Variants in ARID1B observed in about 807,000 individuals in gnomAD.
ARID1B encodes AT-rich interaction domain 1B, also known as AT-rich interactive domain-containing protein 1B.
In ARID1B, 30 loss-of-function variants were observed where a neutral mutation model predicts 212.3. The ratio of observed to expected loss-of-function variants is 0.14; its 90% CI spans 0.11 to 0.19. The LOEUF is 0.19. Ranked by LOEUF, ARID1B falls within the 10% of genes least tolerant of loss-of-function variation. The pLI is 1.00. For synonymous variants in ARID1B, 1,402 were observed against 1,301.7 expected, an observed-to-expected ratio of 1.08 and a Z score of -1.66; for missense variants, 2,891 against 3,204.0, an observed-to-expected ratio of 0.90 and a Z score of 2.36.
At chr6:156,954,657 G>T (rs1226996368) in intron 4 of ARID1B, among the ~76,000 whole-genome samples, 1 of 151,622 alleles carries the variant, frequency 6.6e-6, no homozygotes, top group East Asian at 1.9e-4. Flanking sequence ...AGCTCGAACT[G>T]TTTTTTTTGT....
intron 6 of ARID1B, among the ~76,000 whole-genome samples, chr6:157,116,856 C>T (rs147741257): frequency 4.3e-4 from 65 of 152,266 alleles, no homozygotes; most frequent in East Asian, 4.3e-3. Flanking sequence ...AGTCAAAGCA[C>T]GCTGTACCTG....
intron 8 of ARID1B, among the ~76,000 whole-genome samples, chr6:157,164,296 G>A (rs1036982045): frequency 1.6e-4 from 25 of 152,328 alleles, no homozygotes; most frequent in African/African-American, 6.0e-4. Flanking sequence ...TTAGTTTAAA[G>A]GTATTTCTTA....
intron 15 of ARID1B, chr6:157,193,753 C>CTT (rs1176450987): frequency 6.6e-6 from 1 of 152,196 alleles, no homozygotes; most frequent in African/African-American, 2.4e-5. Context: ...CAGTTAAAAA[C>CTT]TTTTGCTTGC....
rs73584019 is a variant in ARID1B at position 157,083,293 on chromosome 6, A to C, written c.2248-1369A>C. Among the ~76,000 whole-genome samples, 755 of 152,338 alleles carry C rather than the reference A, an allele frequency of 5.0e-3. 7 individuals carry two copies. The highest frequency in any genetic ancestry group is 0.02 in the Middle Eastern group (6 of 294). On this transcript the variant is annotated intron_variant, in intron 4 of 19. Transcript: ENST00000636930. ...CCAGATATTTCTGACTCCATTCTAT[A>C]GTATGTAGTCTTCAGTTATCAGGAC...
intron 3 of ARID1B, among the ~76,000 whole-genome samples, chr6:156,930,984 A>T (rs1189909248): frequency 6.6e-6 from 1 of 152,258 alleles, no homozygotes; most frequent in African/African-American, 2.4e-5. Flanking sequence ...AGGTCAGGAG[A>T]TAGAGACCAT....
intron 4 of ARID1B, among the ~76,000 whole-genome samples, chr6:156,975,882 C>G (rs1011331328): frequency 1.3e-5 from 2 of 151,892 alleles, no homozygotes; most frequent in African/African-American, 4.8e-5. Context: ...GGGCTGAGTC[C>G]GAAGAGTCAG....
chr6:157,128,133 G>C (rs1788269101), intron 6 of ARID1B, among the ~76,000 whole-genome samples: 1 of 152,096 alleles, frequency 6.6e-6, no homozygotes, highest in African/African-American at 2.4e-5. Flanking sequence ...TATTTAGGAT[G>C]AATAGAAATA....
rs552523887 is a variant in ARID1B at position 156,914,567 on chromosome 6, T to TGG, written c.2136+13043_2136+13044dup. On this transcript the variant is annotated intron_variant, in intron 3 of 19. Coordinates refer to ENST00000636930, the MANE Select transcript of ARID1B (RefSeq NM_001374828.1). ...CTCAGTGTTGGCCCCTCTTTTTTTG[T>TGG]GGCTCTACCCACCTTACCTGTATGA... Among the ~76,000 whole-genome samples the TGG allele has an allele frequency of 2.6e-4, 40 of 152,342 alleles. No homozygotes were observed. In the East Asian group the frequency reaches 7.5e-3, roughly 29 times the overall value.
In ARID1B at chr6:157,200,580, T is replaced by A; in HGVS notation, c.4480-125T>A. ...ATAAATTGTTAGTTCTCTGTTGTTA[T>A]AGGAGCTTCCCATATTCATTTTGAA... On this transcript the variant is annotated intron_variant, in intron 17 of 19. Transcript: ENST00000636930. The surrounding 1 kb of genome is among the most constrained non-coding windows in gnomAD (Gnocchi z 4.3). 1.8e-6 allele frequency: 2 copies of A among 1,088,336 alleles called. No individual in the cohort carries two copies. Among genetic ancestry groups the A allele is most frequent in the Non-Finnish European group, 2.6e-6 (2 of 773,132 alleles). 67.4% of individuals were successfully genotyped at this position (1,088,336 alleles called of 1,614,324 possible). A position where few individuals can be genotyped will look rare whatever the true frequency, so the allele number is the denominator to read the frequency against.
chr6:156,899,961 T>G (rs1788786515), intron 2 of ARID1B, among the ~76,000 whole-genome samples: 1 of 152,224 alleles, frequency 6.6e-6, no homozygotes, highest in Non-Finnish European at 1.5e-5. Context: ...ATATGGGTGT[T>G]GAACGGAAGG....
At chr6:156,846,708 T>A (rs1698907367) in intron 2 of ARID1B, among the ~76,000 whole-genome samples, 1 of 152,160 alleles carries the variant, frequency 6.6e-6, no homozygotes, top group Non-Finnish European at 1.5e-5. Context: ...GGGACGGGCC[T>A]GTTACGTGTT....
At chr6:157,099,871 G>A (rs1468399788) in intron 5 of ARID1B, among the ~76,000 whole-genome samples, 1 of 152,194 alleles carries the variant, frequency 6.6e-6, no homozygotes, top group Non-Finnish European at 1.5e-5. Flanking sequence ...GTTCTCTCAA[G>A]TTCGGGAATT....
intron 2 of ARID1B, among the ~76,000 whole-genome samples, chr6:156,864,601 C>A (rs1785552343): frequency 6.6e-6 from 1 of 152,198 alleles, no homozygotes; most frequent in Admixed American, 6.5e-5. Context: ...ATGCCCACGT[C>A]CCCAGAGGCG....
chr6:157,107,545 G>A (rs1267137402), intron 5 of ARID1B, among the ~76,000 whole-genome samples: 2 of 152,216 alleles, frequency 1.3e-5, no homozygotes, highest in East Asian at 3.8e-4. Context: ...GCAGGTGACA[G>A]TTCTGCACCT....
Position 157,133,198 on chromosome 6 carries a change from G to C in ARID1B, c.2752G>C (p.Gly918Arg). 1 of 1,600,730 alleles carries C rather than the reference G, an allele frequency of 6.2e-7. No individual in the cohort carries two copies. Among genetic ancestry groups the C allele is most frequent in the Non-Finnish European group, 8.5e-7 (1 of 1,175,670 alleles). ...GTYGPQMSQYGPQGNYSRPPA... is the reference protein window; with the variant it reads ...GTYGPQMSQYRPQGNYSRPPA... ...TTACGGTCCACAGATGAGCCAGTAT[G>C]GACCACAAGGTAAAACCAAAGCTTC... The change falls in exon 7 of 20, where the codon GGA becomes CGA. Residue 918 changes from glycine to arginine, a missense_variant. Gly to Arg is a moderately radical substitution (Grantham distance 125). Coordinates refer to ENST00000636930, the MANE Select transcript of ARID1B (RefSeq NM_001374828.1).
chr6:157,125,156 T>A (rs1788053227), intron 6 of ARID1B, among the ~76,000 whole-genome samples: 1 of 152,170 alleles, frequency 6.6e-6, no homozygotes, highest in Non-Finnish European at 1.5e-5. Context: ...AGACAGTGAA[T>A]GGTTTTTGAA....
chr6:157,045,361 A>T lies in ARID1B; in HGVS notation c.2248-39301A>T, dbSNP rs755999158. Among the ~76,000 whole-genome samples, 3 of 152,244 alleles carry T rather than the reference A, an allele frequency of 2.0e-5. 1 individual carries two copies. The highest frequency in any genetic ancestry group is 4.8e-5 in the African/African-American group (2 of 41,470). ...TTATTTCTTTTATGAGTGTAACCAC[A>T]TGAAAACATATACTAATTTTCTGTT... is the stretch of plus-strand genomic sequence containing the variant. On this transcript the variant is annotated intron_variant, in intron 4 of 19. Coordinates refer to ENST00000636930, the MANE Select transcript of ARID1B (RefSeq NM_001374828.1).
At chr6:157,167,973 C>T (rs989345154) in intron 9 of ARID1B, 1 of 152,256 alleles carries the variant, frequency 6.6e-6, no homozygotes, top group Non-Finnish European at 1.5e-5. Context: ...TAAAATGGAT[C>T]TCACGGGAGG....
At chr6:156,856,584 T>C (rs1245608451) in intron 2 of ARID1B, among the ~76,000 whole-genome samples, 1 of 152,098 alleles carries the variant, frequency 6.6e-6, no homozygotes, top group Non-Finnish European at 1.5e-5. Context: ...CACTGTGTCT[T>C]ATTATAAAAA....
Sources: gnomAD v4.1 joint callset for allele counts (sites outside exome capture counted in the v4.1 genomes callset) on GRCh38, gnomAD v4.1.1 for gene constraint, Gnocchi (gnomAD v3.1) non-coding constraint, MANE v1.5 for transcripts, NCBI Gene and HGNC (gene_info 2026-07-23, HGNC 2026-07-21) for gene names.